Variants in HTR2C observed in about 807,000 individuals in gnomAD.
HTR2C encodes the protein 5-hydroxytryptamine receptor 2C.
HTR2C carries 5 observed loss-of-function variants against 21.0 expected under a neutral mutation model. That is an observed-to-expected ratio of 0.24 (90% confidence interval 0.12 to 0.50). The LOEUF (loss-of-function observed/expected upper bound fraction) is 0.50. Among genes scored for constraint, HTR2C ranks in the 20% least tolerant of loss-of-function variants. The pLI is 0.98. For synonymous variants in HTR2C, 150 were observed against 145.3 expected, an observed-to-expected ratio of 1.03 and a Z score of -0.23; for missense variants, 271 against 371.2, an observed-to-expected ratio of 0.73 and a Z score of 2.22.
chrX:114,742,303 G>C (rs782632746), intron 4 of HTR2C, among the ~76,000 whole-genome samples: 36 of 111,433 alleles, frequency 3.2e-4, no homozygotes, highest in Non-Finnish European at 4.9e-4. Context: ...AAACAGGACA[G>C]ACTTCAAGAA....
chrX:114,751,904 G>C (rs1299506492), intron 4 of HTR2C, among the ~76,000 whole-genome samples: 2 of 111,490 alleles, frequency 1.8e-5, no homozygotes, highest in Non-Finnish European at 3.8e-5. Flanking sequence ...GCTATGGTAA[G>C]ATTCTTACCT....
intron 2 of HTR2C, among the ~76,000 whole-genome samples, chrX:114,682,152 T>C (rs1400304321): frequency 9.0e-6 from 1 of 111,162 alleles, no homozygotes; most frequent in Non-Finnish European, 1.9e-5. Flanking sequence ...GATTTAAACA[T>C]TAGGAAATTT....
chrX:114,695,713 G>A (rs1556415796), intron 2 of HTR2C, among the ~76,000 whole-genome samples: 1 of 111,610 alleles, frequency 9.0e-6, no homozygotes, highest in Non-Finnish European at 1.9e-5. Flanking sequence ...CCAACACTGT[G>A]CAAATAGTAG....
chrX:114,683,427 C>A (rs1931813171), intron 2 of HTR2C, among the ~76,000 whole-genome samples: 1 of 109,672 alleles, frequency 9.1e-6, no homozygotes, highest in Non-Finnish European at 1.9e-5. Flanking sequence ...GCTGAAGTTT[C>A]ATCCTGGTAT....
intron 5 of HTR2C, among the ~76,000 whole-genome samples, chrX:114,849,338 T>A (rs1250252401): frequency 8.9e-6 from 1 of 112,063 alleles, no homozygotes; most frequent in Non-Finnish European, 1.9e-5. Flanking sequence ...AAAGACTGAG[T>A]AATTTGCAAT....
intron 4 of HTR2C, among the ~76,000 whole-genome samples, chrX:114,812,226 A>G (rs868970306): frequency 2.7e-5 from 3 of 110,161 alleles, no homozygotes; most frequent in South Asian, 3.9e-4. Flanking sequence ...ATGAGTGATT[A>G]TCTACCTACC....
chrX:114,605,199 T>C (rs782444076), intron 1 of HTR2C, among the ~76,000 whole-genome samples: 1 of 112,494 alleles, frequency 8.9e-6, no homozygotes, highest in Non-Finnish European at 1.9e-5. Context: ...CCAGCCACCT[T>C]TTTAAGAGTA....
chrX:114,635,379 G>A (rs1262685473), intron 2 of HTR2C, among the ~76,000 whole-genome samples: 1 of 111,729 alleles, frequency 9.0e-6, no homozygotes, highest in Non-Finnish European at 1.9e-5. Flanking sequence ...AAGACATTGT[G>A]GGCATGAAGT....
At chrX:114,720,005 T>C (rs1372142236) in intron 2 of HTR2C, among the ~76,000 whole-genome samples, 2 of 111,931 alleles carry the variant, frequency 1.8e-5, no homozygotes, top group Admixed American at 1.9e-4. Context: ...TTAATACTTT[T>C]AGCATAAGGA....
At chrX:114,652,549 G>A (rs782434881) in intron 2 of HTR2C, 315 of 293,672 alleles carry the variant, frequency 1.1e-3, no homozygotes, top group Non-Finnish European at 1.8e-3. Context: ...GAAATATTGC[G>A]GCATTTTCTG....
intron 2 of HTR2C, among the ~76,000 whole-genome samples, chrX:114,713,475 A>G (rs1025403050): frequency 9.0e-6 from 1 of 111,435 alleles, no homozygotes; most frequent in Non-Finnish European, 1.9e-5. Context: ...AAATTGCTAC[A>G]ATTGGTCTAT....
intron 2 of HTR2C, among the ~76,000 whole-genome samples, chrX:114,702,662 A>G (rs1169680479): frequency 9.0e-6 from 1 of 110,965 alleles, no homozygotes; most frequent in Non-Finnish European, 1.9e-5. Context: ...CTAATGAGCA[A>G]AATAACCAGC....
chrX:114,809,059 C>T (rs2070506181), intron 4 of HTR2C, among the ~76,000 whole-genome samples: 1 of 111,273 alleles, frequency 9.0e-6, no homozygotes, highest in African/African-American at 3.3e-5. Context: ...CAAATCCAGC[C>T]AGGCCTGTGT....
intron 2 of HTR2C, among the ~76,000 whole-genome samples, chrX:114,654,647 C>T (rs918182060): frequency 1.8e-5 from 2 of 110,115 alleles, no homozygotes; most frequent in African/African-American, 3.3e-5. Context: ...GCTGCAGATA[C>T]AGCAATGAAT....
intron 1 of HTR2C, among the ~76,000 whole-genome samples, chrX:114,604,657 A>G (rs782051655): frequency 1.1e-3 from 122 of 109,355 alleles, no homozygotes; most frequent in African/African-American, 3.2e-3. Flanking sequence ...CAGGTGAGTT[A>G]AACAGTCCGA....
chrX:114,811,972 G>A (rs782318357), intron 4 of HTR2C, among the ~76,000 whole-genome samples: 4 of 111,282 alleles, frequency 3.6e-5, no homozygotes, highest in Middle Eastern at 4.6e-3. Flanking sequence ...GGGTACATGT[G>A]CAGGATGTGC....
At chrX:114,703,824 A>G (rs1165593207) in intron 2 of HTR2C, among the ~76,000 whole-genome samples, 1 of 110,906 alleles carries the variant, frequency 9.0e-6, no homozygotes, top group African/African-American at 3.3e-5. Context: ...CAAGACTAAT[A>G]AAGAAGAAAA....
intron 1 of HTR2C, among the ~76,000 whole-genome samples, chrX:114,593,574 C>T (rs782311666): frequency 9.0e-6 from 1 of 111,544 alleles, no homozygotes; most frequent in East Asian, 2.8e-4. Flanking sequence ...CCCCAGCTAC[C>T]GTTTGCATAT....
At chrX:114,696,206 A>G (rs1240881705) in intron 2 of HTR2C, among the ~76,000 whole-genome samples, 3 of 111,724 alleles carry the variant, frequency 2.7e-5, no homozygotes, top group Admixed American at 9.5e-5. Flanking sequence ...ACTTATATCT[A>G]TCCTCCAAAG....
Sources: gnomAD v4.1 joint callset for allele counts (sites outside exome capture counted in the v4.1 genomes callset) on GRCh38, gnomAD v4.1.1 for gene constraint, MANE v1.5 for transcripts, NCBI Gene and HGNC (gene_info 2026-07-23, HGNC 2026-07-21) for gene names.